HMGB1: variants seen among roughly 807,000 people sequenced by gnomAD.
The protein encoded by HMGB1 is high mobility group box 1, also known as high mobility group protein B1.
For missense variants in HMGB1, 79 were observed against 253.5 expected, an observed-to-expected ratio of 0.31 and a Z score of 4.67; for synonymous variants, 81 against 84.0, an observed-to-expected ratio of 0.96 and a Z score of 0.19.
chr13:30,485,031 TTTC>T (rs1182317045), intron 1 of HMGB1, among the ~76,000 whole-genome samples: 2 of 85,384 alleles, frequency 2.3e-5, no homozygotes, highest in African/African-American at 5.7e-5. Context: ...TTTTTTTCTT[TTTC>T]TTTTTTTTTT....
intron 1 of HMGB1, among the ~76,000 whole-genome samples, chr13:30,562,797 C>T (rs946828838): frequency 1.3e-5 from 2 of 152,172 alleles, no homozygotes; most frequent in Non-Finnish European, 2.9e-5. Context: ...CAATGGCAGA[C>T]GCTTGGCCTT....
chr13:30,538,025 A>G, intron 1 of HMGB1, among the ~76,000 whole-genome samples: 1 of 152,226 alleles, frequency 6.6e-6, no homozygotes, highest in East Asian at 1.9e-4. Context: ...TGCCCAGAGC[A>G]GGAAATTCCA....
At chr13:30,563,337 A>G (rs1379132643) in intron 1 of HMGB1, among the ~76,000 whole-genome samples, 1 of 152,180 alleles carries the variant, frequency 6.6e-6, no homozygotes, top group Admixed American at 6.5e-5. Context: ...GGCTGGGCGC[A>G]GTGGCTCACA....
intron 1 of HMGB1, among the ~76,000 whole-genome samples, chr13:30,488,050 C>A (rs2137437737): frequency 6.6e-6 from 1 of 152,228 alleles, no homozygotes; most frequent in Middle Eastern, 3.4e-3. Context: ...AGAAAAGAAA[C>A]AATTTTTTTC....
intron 1 of HMGB1, among the ~76,000 whole-genome samples, chr13:30,549,786 G>A (rs984329907): frequency 2.0e-5 from 3 of 150,648 alleles, no homozygotes; most frequent in African/African-American, 4.9e-5. Flanking sequence ...GCATGATCTC[G>A]ACTCACTGCA....
rs937714803 is a variant in HMGB1 at position 30,461,307 on chromosome 13, G to T, written c.*50C>A. On this transcript the variant is annotated 3_prime_UTR_variant, in exon 5 of 5. Coordinates refer to ENST00000341423, the MANE Select transcript of HMGB1 (RefSeq NM_002128.7). ...TTAAAAGGAGTGAGTTGTGTACAGGGGGGTTAAATGCTTTATAGACAAGAA... is the reference window on the plus strand; with the variant it reads ...TTAAAAGGAGTGAGTTGTGTACAGGTGGGTTAAATGCTTTATAGACAAGAA... The T allele has an allele frequency of 6.6e-7, 1 of 1,518,562 alleles. No individual in the cohort carries two copies. The highest frequency in any genetic ancestry group is 8.8e-7 in the Non-Finnish European group (1 of 1,140,712). 94.1% of individuals were successfully genotyped at this position (1,518,562 alleles called of 1,614,324 possible).
intron 1 of HMGB1, among the ~76,000 whole-genome samples, chr13:30,474,798 T>C (rs1005110386): frequency 8.3e-5 from 12 of 145,054 alleles, no homozygotes; most frequent in African/African-American, 2.8e-4. Flanking sequence ...TTTCGCTCTA[T>C]CGCCTAAGCT....
At chr13:30,595,999 T>C (rs1871590819) in intron 1 of HMGB1, among the ~76,000 whole-genome samples, 3 of 152,128 alleles carry the variant, frequency 2.0e-5, no homozygotes, top group Non-Finnish European at 2.9e-5. Flanking sequence ...CAAGAATCCT[T>C]GGGGGCCATC....
At chr13:30,581,837 A>G (rs767144484) in intron 1 of HMGB1, among the ~76,000 whole-genome samples, 3 of 152,158 alleles carry the variant, frequency 2.0e-5, no homozygotes, top group Non-Finnish European at 4.4e-5. Context: ...TTTAGTAACC[A>G]TGCTTCTATA....
intron 1 of HMGB1, among the ~76,000 whole-genome samples, chr13:30,581,610 G>A (rs1870904558): frequency 6.6e-6 from 1 of 152,138 alleles, no homozygotes; most frequent in African/African-American, 2.4e-5. Context: ...TGTTGATTAA[G>A]AACAGAACCA....
chr13:30,541,581 C>G (rs1868889804), intron 1 of HMGB1: 1 of 152,788 alleles, frequency 6.5e-6, no homozygotes, highest in African/African-American at 2.4e-5. Context: ...AATCAAGGAC[C>G]AGATGCTGAG....
Position 30,463,348 on chromosome 13 carries a change from A to G in HMGB1, c.155T>C (p.Met52Thr). ...SKKCSERWKT[M>T]SAKEKGKFED... ...AAATTTTCCTTTCTCTTTAGCAGAC[A>G]TGGTCTACAAAATAATTATTTGTAA... The change falls in exon 3 of 5, where the codon ATG becomes ACG. Residue 52 changes from methionine (M) to threonine (T), a missense_variant. Physicochemically the swap from Met to Thr is moderately conservative, Grantham distance 81. Coordinates refer to ENST00000341423, the MANE Select transcript of HMGB1 (RefSeq NM_002128.7). 1 of 1,594,766 alleles carries G rather than the reference A, an allele frequency of 6.3e-7. No individual in the cohort carries two copies. Among genetic ancestry groups the G allele is most frequent in the Non-Finnish European group, 8.5e-7 (1 of 1,174,274 alleles).
chr13:30,465,211 G>C (rs1449802106), intron 1 of HMGB1: 2 of 540,324 alleles, frequency 3.7e-6, no homozygotes, highest in African/African-American at 4.6e-5. Context: ...CCGCCGCCGC[G>C]ACCGGGCCGA....
At chr13:30,489,147 A>G (rs1887429234) in intron 1 of HMGB1, among the ~76,000 whole-genome samples, 1 of 152,148 alleles carries the variant, frequency 6.6e-6, no homozygotes, top group Non-Finnish European at 1.5e-5. Flanking sequence ...CTTCAGAAAC[A>G]CCATTAACTC....
intron 1 of HMGB1, among the ~76,000 whole-genome samples, chr13:30,566,547 G>A (rs890321323): frequency 2.0e-5 from 3 of 152,134 alleles, no homozygotes; most frequent in Non-Finnish European, 4.4e-5. Flanking sequence ...ACCTTTTAAA[G>A]ATGTAACAAC....
chr13:30,557,727 C>A (rs781782366), intron 1 of HMGB1, among the ~76,000 whole-genome samples: 27 of 152,218 alleles, frequency 1.8e-4, no homozygotes, highest in Non-Finnish European at 2.9e-4. Flanking sequence ...CTAATTGTTA[C>A]CTGATTCTTA....
intron 1 of HMGB1, among the ~76,000 whole-genome samples, chr13:30,609,200 T>C (rs1270207266): frequency 6.6e-6 from 1 of 152,168 alleles, no homozygotes; most frequent in Non-Finnish European, 1.5e-5. Context: ...AAGGCGGAGC[T>C]TGCAGTGAGC....
chr13:30,611,303 C>T (rs1468779529), intron 1 of HMGB1, among the ~76,000 whole-genome samples: 1 of 152,188 alleles, frequency 6.6e-6, no homozygotes, highest in East Asian at 1.9e-4. Context: ...GCTGGGACTA[C>T]AGGCATGCGC....
chr13:30,574,306 C>T (rs1870555590), intron 1 of HMGB1, among the ~76,000 whole-genome samples: 1 of 152,152 alleles, frequency 6.6e-6, no homozygotes, highest in Non-Finnish European at 1.5e-5. Context: ...TCCTCTTTAT[C>T]ACAACTGTTT....
Sources: gnomAD v4.1 joint callset for allele counts (sites outside exome capture counted in the v4.1 genomes callset) on GRCh38, gnomAD v4.1.1 for gene constraint, MANE v1.5 for transcripts, NCBI Gene and HGNC (gene_info 2026-07-23, HGNC 2026-07-21) for gene names.